The following NELL2 variants were observed in gnomAD, a reference collection of about 807,000 sequenced individuals.
The protein encoded by NELL2 is protein kinase C-binding protein NELL2.
A neutral mutation model predicts 109.6 loss-of-function variants in NELL2; 41 were observed. The ratio of observed to expected loss-of-function variants is 0.37; its 90% confidence interval spans 0.29 to 0.49. The LOEUF (loss-of-function observed/expected upper bound fraction) is 0.49, where lower values mean the gene tolerates loss of function less well. Ranked by LOEUF, NELL2 falls within the 20% of genes least tolerant of loss-of-function variation. NELL2 has a pLI of 0.98. For missense variants in NELL2, 900 were observed against 1,008.3 expected (o/e 0.89, Z 1.45); for synonymous variants, 355 against 344.7 (o/e 1.03, Z -0.33).
At chr12:44,893,939 G>A (rs1284983055) in intron 1 of NELL2, among the ~76,000 whole-genome samples, 1 of 152,010 alleles carries the variant, frequency 6.6e-6, no homozygotes, top group Non-Finnish European at 1.5e-5. Context: ...TGTTTATAAA[G>A]TATAATAAAA....
At chr12:44,547,531 A>G (rs1319890614) in intron 15 of NELL2, among the ~76,000 whole-genome samples, 1 of 152,240 alleles carries the variant, frequency 6.6e-6, no homozygotes, top group Non-Finnish European at 1.5e-5. Context: ...GTAATATTAC[A>G]GATAGTTTTT....
intron 15 of NELL2, among the ~76,000 whole-genome samples, chr12:44,575,714 T>G (rs191654786): frequency 1.3e-5 from 2 of 152,292 alleles, no homozygotes; most frequent in Admixed American, 1.3e-4. Context: ...ACAGCTACAG[T>G]TCAATACATT....
At chr12:44,761,638 A>C (rs1166647396) in intron 9 of NELL2, among the ~76,000 whole-genome samples, 2 of 152,202 alleles carry the variant, frequency 1.3e-5, no homozygotes, top group Non-Finnish European at 2.9e-5. Flanking sequence ...CCAGCCCATC[A>C]ATGTAATGAC....
chr12:44,794,117 C>T (rs1316406299), intron 3 of NELL2, among the ~76,000 whole-genome samples: 5 of 152,140 alleles, frequency 3.3e-5, no homozygotes, highest in African/African-American at 7.2e-5. Context: ...ACATCTAACC[C>T]TAAAGCCAGA....
intron 1 of NELL2, among the ~76,000 whole-genome samples, chr12:44,888,112 T>A (rs1190465576): frequency 6.6e-6 from 1 of 152,074 alleles, no homozygotes; most frequent in African/African-American, 2.4e-5. Context: ...CCATTGTATG[T>A]TCTTGGCACC....
At chr12:44,660,738 T>C (rs919412908) in intron 13 of NELL2, among the ~76,000 whole-genome samples, 1 of 152,248 alleles carries the variant, frequency 6.6e-6, no homozygotes, top group Non-Finnish European at 1.5e-5. Context: ...AAAAGAAGAA[T>C]CAGAATTCCT....
At chr12:44,872,930 G>A (rs1381232149) in intron 2 of NELL2, among the ~76,000 whole-genome samples, 1 of 152,108 alleles carries the variant, frequency 6.6e-6, no homozygotes, top group East Asian at 1.9e-4. Flanking sequence ...AAATCTCAAT[G>A]AAGCAGCAAG....
intron 12 of NELL2, among the ~76,000 whole-genome samples, chr12:44,668,319 T>A (rs1303602733): frequency 6.6e-6 from 1 of 152,056 alleles, no homozygotes; most frequent in Non-Finnish European, 1.5e-5. Flanking sequence ...ATGACAACGA[T>A]CCTGCCCTCT....
intron 15 of NELL2, among the ~76,000 whole-genome samples, chr12:44,554,085 A>G (rs1943147418): frequency 6.6e-6 from 1 of 152,198 alleles, no homozygotes; most frequent in Non-Finnish European, 1.5e-5. Context: ...CTACCGGCAT[A>G]TTACTATATT....
At chr12:44,899,108 A>G (rs1041831764) in intron 1 of NELL2, among the ~76,000 whole-genome samples, 4 of 152,158 alleles carry the variant, frequency 2.6e-5, no homozygotes, top group Non-Finnish European at 5.9e-5. Flanking sequence ...GAAATATGGG[A>G]CTATGTGAAA....
chr12:44,818,231 C>A (rs1054177064), intron 2 of NELL2, among the ~76,000 whole-genome samples: 3 of 152,202 alleles, frequency 2.0e-5, no homozygotes, highest in Non-Finnish European at 4.4e-5. Flanking sequence ...AGAATGATTT[C>A]ATCTAGTGTT....
chr12:44,618,820 T>C (rs1388484308), intron 13 of NELL2, among the ~76,000 whole-genome samples: 2 of 152,216 alleles, frequency 1.3e-5, no homozygotes, highest in Non-Finnish European at 2.9e-5. Flanking sequence ...TCTTAAGTGC[T>C]TACTACAGAC....
At chr12:44,532,797 C>A in intron 15 of NELL2, 76 bp from the exon 16 acceptor site, 1 of 1,408,412 alleles carries the variant, frequency 7.1e-7, no homozygotes, top group East Asian at 2.5e-5. Context: ...TACAAGGCTA[C>A]TAAAATTTTT....
upstream of NELL2, chr12:44,876,359 G>C: frequency 8.2e-7 from 1 of 1,213,562 alleles, no homozygotes; most frequent in Non-Finnish European, 1.0e-6. Flanking sequence ...CTCCTCCGGG[G>C]AGGGAGGGGC....
chr12:44,573,165 C>T (rs1193256604), intron 15 of NELL2, among the ~76,000 whole-genome samples: 1 of 152,210 alleles, frequency 6.6e-6, no homozygotes, highest in Non-Finnish European at 1.5e-5. Flanking sequence ...GTTCTGCTCT[C>T]AGCCCATTAG....
intron 13 of NELL2, among the ~76,000 whole-genome samples, chr12:44,622,240 C>T (rs73098346): frequency 0.013 from 1,907 of 152,220 alleles, 14 homozygotes; most frequent in Non-Finnish European, 0.02. Flanking sequence ...AGTATCTACA[C>T]GCTGCTTAAG....
Position 44,610,865 on chromosome 12 carries a change from T to C in NELL2, c.1550A>G (p.Asn517Ser). 1.2e-6 allele frequency: 2 copies of C among 1,613,066 alleles called. No individual in the cohort carries two copies. The highest frequency in any genetic ancestry group is 2.2e-5 in the South Asian group (2 of 91,056). The stretch of plus-strand genomic sequence containing the variant: ...CCTTTTACCTTTGCATGTCGTTCCA[T>C]TCCCTGTATAGCCCGGCTTGCAAAC... Reference protein sequence around the residue: ...NCVCKPGYTGNGTTCKAFCKD... With the variant: ...NCVCKPGYTGSGTTCKAFCKD... The change falls in exon 14 of 20, where the codon AAT becomes AGT. Residue 517 changes from asparagine to serine, a missense_variant. Around this residue, in one of 4 missense-constraint regions of NELL2, gnomAD observed 333 missense variants for 432.3 expected, o/e 0.77. Transcript: ENST00000429094.
At chr12:44,718,480 G>C (rs1019568504) in intron 9 of NELL2, among the ~76,000 whole-genome samples, 1 of 152,146 alleles carries the variant, frequency 6.6e-6, no homozygotes, top group African/African-American at 2.4e-5. Context: ...TACAGCCAGA[G>C]GCTTCATTTC....
At position 44,630,985 on chromosome 12, in the gene NELL2, A is replaced by G. The variant is rs185580587; in HGVS notation, c.1445-20015T>C. Among the ~76,000 whole-genome samples, 26 of 152,032 alleles carry G rather than the reference A, an allele frequency of 1.7e-4. 1 individual carries two copies. The highest frequency in any genetic ancestry group is 1.4e-3 in the Admixed American group (21 of 15,226). Reference sequence around the variant, plus strand: ...TTTTTTCTTCTTCTAGTTTACCCAAATTCTATCTCTCCTGAAATGTACTCT... The same window carrying G: ...TTTTTTCTTCTTCTAGTTTACCCAAGTTCTATCTCTCCTGAAATGTACTCT... On this transcript the variant is annotated intron_variant, in intron 13 of 19. Coordinates refer to ENST00000429094, the MANE Select transcript of NELL2 (RefSeq NM_001145108.2).
Sources: allele counts gnomAD v4.1 joint callset (sites outside exome capture counted in the v4.1 genomes callset), GRCh38; gene constraint gnomAD v4.1.1; regional missense constraint gnomAD v4.1.1; transcripts MANE v1.5; gene names NCBI Gene and HGNC (gene_info 2026-07-23, HGNC 2026-07-21).